KIAA1217: variants seen among roughly 807,000 people sequenced by gnomAD.
The protein encoded by KIAA1217 is KIAA1217.
A neutral mutation model predicts 163.9 loss-of-function variants in KIAA1217; 88 were observed. The observed-to-expected ratio is 0.54, with a 90% CI of 0.45 to 0.64. KIAA1217 has a LOEUF of 0.64. Ranked by LOEUF, KIAA1217 falls within the 30% of genes least tolerant of loss-of-function variation. The pLI is 0.00. For synonymous variants in KIAA1217, 903 were observed against 923.1 expected, an observed-to-expected ratio of 0.98 and a Z score of 0.39; for missense variants, 2,372 against 2,475.0, an observed-to-expected ratio of 0.96 and a Z score of 0.88.
At chr10:24,256,046 CAAAAA>C (rs11358712) in intron 2 of KIAA1217, among the ~76,000 whole-genome samples, 2 of 79,098 alleles carry the variant, frequency 2.5e-5, no homozygotes, top group African/African-American at 9.9e-5. Context: ...CTCAGATGAC[CAAAAA>C]AAAAAAAAAA....
chr10:24,543,962 C>T lies in KIAA1217; in HGVS notation c.4692C>T (p.Asp1564=). The part of the protein sequence containing the change: ...SECKGEDATD[D]QFESPKKKFK... ...GCAAGGGTGAGGACGCGACCGATGACCAGTTTGAAAGCCCCAAGAAAAAGT... is the reference window on the plus strand; with the variant it reads ...GCAAGGGTGAGGACGCGACCGATGATCAGTTTGAAAGCCCCAAGAAAAAGT... Residue 1564 remains aspartate, a synonymous_variant, in exon 19 of 21, where the codon GAC becomes GAT. Transcript: ENST00000376454. The T allele has an allele frequency of 1.2e-6, 2 of 1,614,038 alleles. No individual in the cohort carries two copies. The highest frequency in any genetic ancestry group is 2.2e-5 in the East Asian group (1 of 44,860).
At chr10:24,437,984 T>C (rs2060203170) in intron 4 of KIAA1217, among the ~76,000 whole-genome samples, 2 of 151,508 alleles carry the variant, frequency 1.3e-5, no homozygotes, top group South Asian at 4.2e-4. Flanking sequence ...AACCAGGTGT[T>C]TGGGAAAAGT....
chr10:24,209,415 G>A, intron 1 of KIAA1217, 152 bp downstream of exon 1: 1 of 618,460 alleles, frequency 1.6e-6, no homozygotes, highest in East Asian at 2.8e-5. Flanking sequence ...ACTGAGTAGA[G>A]CATAGAGAAC....
upstream of KIAA1217, chr10:24,208,977 GGC>G (rs2067734267): frequency 3.8e-6 from 2 of 528,524 alleles, no homozygotes; most frequent in East Asian, 6.7e-5. Flanking sequence ...AGGGACGGAG[GGC>G]CAGGGGCAGG....
intron 1 of KIAA1217, among the ~76,000 whole-genome samples, chr10:23,846,705 T>A (rs1475098560): frequency 6.6e-6 from 1 of 152,174 alleles, no homozygotes; most frequent in African/African-American, 2.4e-5. Flanking sequence ...CTTCCTCTCT[T>A]CCTATTTGAA....
chr10:24,232,129 G>T (rs543657902), intron 2 of KIAA1217, among the ~76,000 whole-genome samples: 1 of 152,212 alleles, frequency 6.6e-6, no homozygotes, highest in Non-Finnish European at 1.5e-5. Flanking sequence ...CTCAAAGGTC[G>T]TTGAAGTACA....
rs369784593 is a variant in KIAA1217, at chr10:24,448,967, C to T, written c.846+10488C>T. ...ATAATTTTTCACATAAGTTCAGGCT[C>T]ATGAAATCCTTGCCTGTGTTCTATA... On this transcript the variant is annotated intron_variant, in intron 5 of 20. Transcript: ENST00000376454. Among the ~76,000 whole-genome samples the T allele has an allele frequency of 1.3e-5, 2 of 152,322 alleles. 1 individual carries two copies. The highest frequency in any genetic ancestry group is 4.8e-5 in the African/African-American group (2 of 41,574).
intron 2 of KIAA1217, among the ~76,000 whole-genome samples, chr10:24,131,979 G>A (rs539683696): frequency 6.6e-6 from 1 of 152,314 alleles, no homozygotes; most frequent in Admixed American, 6.5e-5. Context: ...ATTACACACA[G>A]CATAGTTCAA....
At chr10:23,698,776 C>T (rs140310578) in intron 1 of KIAA1217, among the ~76,000 whole-genome samples, 23 of 152,186 alleles carry the variant, frequency 1.5e-4, no homozygotes, top group African/African-American at 4.8e-4. Flanking sequence ...TCTAACGGAT[C>T]GGCTATCCTA....
intron 3 of KIAA1217, among the ~76,000 whole-genome samples, chr10:24,423,410 A>G (rs913522997): frequency 1.6e-4 from 24 of 151,346 alleles, no homozygotes; most frequent in African/African-American, 5.8e-4. Flanking sequence ...TCAAATTCCC[A>G]GGTAGCTGGA....
At chr10:24,113,435 A>G (rs1295023334) in intron 2 of KIAA1217, among the ~76,000 whole-genome samples, 1 of 152,198 alleles carries the variant, frequency 6.6e-6, no homozygotes, top group African/African-American at 2.4e-5. Flanking sequence ...TCTGATGACA[A>G]AGCAGTAGAA....
chr10:24,184,459 A>G (rs2066326622), intron 2 of KIAA1217, among the ~76,000 whole-genome samples: 1 of 152,224 alleles, frequency 6.6e-6, no homozygotes, highest in Non-Finnish European at 1.5e-5. Flanking sequence ...GGAGATGTTT[A>G]TGAAAGCCCA....
At chr10:23,824,637 AAAAAAAAAAAAAAT>A (rs1310195460) in intron 1 of KIAA1217, among the ~76,000 whole-genome samples, 20 of 67,170 alleles carry the variant, frequency 3.0e-4, no homozygotes, top group African/African-American at 1.0e-3. Context: ...TCAAGAAAAA[AAAAAAAAAAAAAAT>A]AAAAAAAATA....
chr10:24,077,384 G>A (rs750237181), intron 2 of KIAA1217, among the ~76,000 whole-genome samples: 1 of 152,010 alleles, frequency 6.6e-6, no homozygotes, highest in African/African-American at 2.4e-5. Context: ...GTTACCTACC[G>A]TGTGTTCTCA....
At chr10:23,814,779 G>A (rs1837239061) in intron 1 of KIAA1217, among the ~76,000 whole-genome samples, 1 of 151,576 alleles carries the variant, frequency 6.6e-6, no homozygotes, top group Admixed American at 6.6e-5. Context: ...GATATGCATT[G>A]TTCTTTATTT....
Position 24,501,428 on chromosome 10 carries a change from G to C in KIAA1217, c.1884G>C (p.Thr628=). ...GGKMLSALES[T]VPPSQPPPVG... ...AGATGCTCAGTGCTCTGGAGTCCAC[G>C]GTGCCTCCCAGCCAGCCTCCACCTG... is the stretch of plus-strand genomic sequence containing the variant. Residue 628 remains threonine (T), a synonymous_variant, in exon 9 of 21, where the codon ACG becomes ACC. Coordinates refer to ENST00000376454, the MANE Select transcript of KIAA1217 (RefSeq NM_019590.5). The C allele has an allele frequency of 6.2e-7, 1 of 1,613,972 alleles. No homozygotes were observed. The highest frequency in any genetic ancestry group is 1.1e-5 in the South Asian group (1 of 91,060).
At chr10:24,246,990 G>C (rs1310907542) in intron 2 of KIAA1217, among the ~76,000 whole-genome samples, 1 of 150,996 alleles carries the variant, frequency 6.6e-6, no homozygotes, top group Admixed American at 6.6e-5. Flanking sequence ...TCCAGCCTAG[G>C]TGACAGAGCA....
intron 2 of KIAA1217, among the ~76,000 whole-genome samples, chr10:24,072,070 G>A (rs1589391830): frequency 1.3e-5 from 2 of 152,144 alleles, no homozygotes; most frequent in African/African-American, 4.8e-5. Flanking sequence ...CCATTGCCCA[G>A]GCTGGAGTAC....
chr10:24,325,307 C>T (rs967409019), intron 2 of KIAA1217, among the ~76,000 whole-genome samples: 2 of 152,204 alleles, frequency 1.3e-5, no homozygotes, highest in African/African-American at 4.8e-5. Context: ...AAGCAGGCTG[C>T]AGCAGTTCAA....
Sources: gnomAD v4.1 joint callset for allele counts (sites outside exome capture counted in the v4.1 genomes callset) on GRCh38, gnomAD v4.1.1 for gene constraint, MANE v1.5 for transcripts, NCBI Gene and HGNC (gene_info 2026-07-23, HGNC 2026-07-21) for gene names.